MAGI1: variants seen among roughly 807,000 people sequenced by gnomAD.
The protein encoded by MAGI1 is membrane associated guanylate kinase, WW and PDZ domain containing 1, also known as membrane-associated guanylate kinase, WW and PDZ domain-containing protein 1.
In MAGI1, 58 loss-of-function variants were observed where a neutral mutation model predicts 139.9. The ratio of observed to expected loss-of-function variants is 0.41; its 90% CI spans 0.34 to 0.52. The LOEUF is 0.52. Ranked by LOEUF, MAGI1 falls within the 20% of genes least tolerant of loss-of-function variation. The pLI is 0.12. For synonymous variants in MAGI1, 812 were observed against 737.9 expected (o/e 1.10, Z -1.63); for missense variants, 1,874 against 1,901.6 (o/e 0.99, Z 0.27).
rs1947328466 is a variant in MAGI1, at chr3:65,429,619, T to C, written c.2068A>G (p.Asn690Asp). The C allele has an allele frequency of 6.2e-7, 1 of 1,613,868 alleles. No individual in the cohort carries two copies. Among genetic ancestry groups the C allele is most frequent in the African/African-American group, 1.3e-5 (1 of 74,904 alleles). Residue 690 changes from asparagine to aspartate, a missense_variant, in exon 12 of 23, where the codon AAT becomes GAT. Around this residue, in one of 5 missense-constraint regions of MAGI1, gnomAD observed 482 missense variants for 509.6 expected, o/e 0.95. Transcript: ENST00000402939. ...GTTAGGGCCTGCACGTTCTTCTTAT[T>C]AACTTCCACTATGAGATCCCCTTCT... ...LKEGDLIVEV[N>D]KKNVQALTHN...
At chr3:65,779,827 G>GT (rs1483963577) in intron 1 of MAGI1, among the ~76,000 whole-genome samples, 1 of 152,180 alleles carries the variant, frequency 6.6e-6, no homozygotes, top group East Asian at 1.9e-4. Context: ...GCAGTAGCAA[G>GT]TAACTCTAAC....
intron 1 of MAGI1, among the ~76,000 whole-genome samples, chr3:65,819,090 G>A (rs909848942): frequency 6.6e-6 from 1 of 152,082 alleles, no homozygotes; most frequent in South Asian, 2.1e-4. Context: ...TTCGAGACCA[G>A]CTTGGCCTAC....
At chr3:65,920,757 G>A (rs1301175439) in intron 1 of MAGI1, among the ~76,000 whole-genome samples, 2 of 152,252 alleles carry the variant, frequency 1.3e-5, no homozygotes, top group African/African-American at 2.4e-5. Flanking sequence ...ATGGCAGGGC[G>A]CAGTGGCTCA....
chr3:65,893,399 C>A (rs531040078), intron 1 of MAGI1, among the ~76,000 whole-genome samples: 1 of 151,162 alleles, frequency 6.6e-6, no homozygotes, highest in South Asian at 2.1e-4. Flanking sequence ...AAGCACAAAA[C>A]AAAATTTACA....
rs1207549438 is a variant in MAGI1 at position 65,778,187 on chromosome 3, TG to T, written c.314-156100del. 2.6e-5 allele frequency among the ~76,000 whole-genome samples: 4 copies of T among 152,106 alleles called. No homozygotes were observed. The East Asian group carries it at 5.8e-4, about 22-fold the overall frequency. On this transcript the variant is annotated intron_variant, in intron 1 of 22. Transcript: ENST00000402939. ...ACTCACGCCTGTAATCCCAGCACTT[TG>T]GGGGGCCAAGGCTGGCGGATCACCT...
At chr3:65,424,448 C>T (rs570679551) in intron 12 of MAGI1, among the ~76,000 whole-genome samples, 1 of 152,252 alleles carries the variant, frequency 6.6e-6, no homozygotes, top group South Asian at 2.1e-4. Context: ...GGAATTTTAA[C>T]ATTTCATGAA....
intron 1 of MAGI1, among the ~76,000 whole-genome samples, chr3:65,887,077 C>A (rs2060564187): frequency 6.6e-6 from 1 of 152,012 alleles, no homozygotes; most frequent in Admixed American, 6.6e-5. Context: ...TAAGAATAGT[C>A]TAAGTTGAAA....
intron 13 of MAGI1, among the ~76,000 whole-genome samples, chr3:65,395,957 T>G (rs1411418957): frequency 6.6e-6 from 1 of 151,974 alleles, no homozygotes; most frequent in Admixed American, 6.6e-5. Context: ...GCAGTCAATG[T>G]GGGGACCTGA....
chr3:65,851,240 C>A lies in MAGI1; in HGVS notation c.313+186756G>T, dbSNP rs28627049. ...TCTCAGCCAGGGATAAAACTAATATCCACATCAGGATTGTTGACGCTATCA... is the reference window on the plus strand; with the variant it reads ...TCTCAGCCAGGGATAAAACTAATATACACATCAGGATTGTTGACGCTATCA... On this transcript the variant is annotated intron_variant, in intron 1 of 22. Transcript: ENST00000402939. 2.2e-3 allele frequency among the ~76,000 whole-genome samples: 337 copies of A among 152,260 alleles called. 1 individual carries two copies. The highest frequency in any genetic ancestry group is 7.3e-3 in the African/African-American group (305 of 41,560).
At chr3:65,388,880 C>T (rs973002703) in intron 14 of MAGI1, among the ~76,000 whole-genome samples, 15 of 113,482 alleles carry the variant, frequency 1.3e-4, no homozygotes, top group Non-Finnish European at 2.0e-4. Flanking sequence ...CTCGCTCTGT[C>T]GCCCAGGCTG....
intron 1 of MAGI1, among the ~76,000 whole-genome samples, chr3:65,697,278 T>C (rs189519870): frequency 0.43 from 63,780 of 149,456 alleles, 14,294 homozygotes; most frequent in African/African-American, 0.57. Context: ...GATTCACAGC[T>C]GAATTCTATC....
At chr3:65,519,310 T>G (rs1340560676) in intron 2 of MAGI1, among the ~76,000 whole-genome samples, 1 of 150,138 alleles carries the variant, frequency 6.7e-6, no homozygotes, top group Admixed American at 6.7e-5. Flanking sequence ...ACTGGAAAGT[T>G]TTCATCACAG....
intron 1 of MAGI1, among the ~76,000 whole-genome samples, chr3:65,805,658 T>C (rs141161126): frequency 1.3e-4 from 20 of 152,246 alleles, no homozygotes; most frequent in African/African-American, 4.3e-4. Flanking sequence ...CTGAAGCACA[T>C]TCACAATAGC....
intron 1 of MAGI1, among the ~76,000 whole-genome samples, chr3:65,769,347 A>G (rs1261882758): frequency 2.0e-5 from 3 of 152,102 alleles, no homozygotes; most frequent in Non-Finnish European, 4.4e-5. Context: ...AGCGTAGTAG[A>G]GCATGATGTT....
Position 66,038,474 on chromosome 3 carries a change from C to G in MAGI1, c.-166G>C. ...GCTCCCCTGCACACGCTCGCGCACT[C>G]AAGCCATCATAAAACAAACTTTCTG... On this transcript the variant is annotated 5_prime_UTR_variant, in exon 1 of 23. It removes the in-frame stop codon of an upstream open reading frame in the 5' UTR. Transcript: ENST00000402939. 1.0e-6 allele frequency: 1 copy of G among 980,414 alleles called. No individual in the cohort carries two copies. The highest frequency in any genetic ancestry group is 1.4e-6 in the Non-Finnish European group (1 of 707,500). 60.7% of individuals were successfully genotyped at this position (980,414 alleles called of 1,614,324 possible).
chr3:65,929,505 T>C (rs2062690073), intron 1 of MAGI1, among the ~76,000 whole-genome samples: 1 of 152,062 alleles, frequency 6.6e-6, no homozygotes, highest in Non-Finnish European at 1.5e-5. Flanking sequence ...CAGCTAATTT[T>C]TGTATTTTTA....
chr3:65,507,527 T>C (rs1046776830), intron 2 of MAGI1, among the ~76,000 whole-genome samples: 43 of 152,206 alleles, frequency 2.8e-4, no homozygotes, highest in Non-Finnish European at 5.6e-4. Context: ...CATGCTTATG[T>C]TTTCCCCCAT....
At chr3:65,922,779 G>A (rs565160631) in intron 1 of MAGI1, among the ~76,000 whole-genome samples, 1 of 152,318 alleles carries the variant, frequency 6.6e-6, no homozygotes, top group South Asian at 2.1e-4. Context: ...TGTACAGAAA[G>A]GAGAGACAGT....
At chr3:65,906,150 T>C (rs2061424628) in intron 1 of MAGI1, among the ~76,000 whole-genome samples, 1 of 152,116 alleles carries the variant, frequency 6.6e-6, no homozygotes, top group Non-Finnish European at 1.5e-5. Context: ...ATCTTGAAAA[T>C]GGTAGCATCT....
Sources: allele counts gnomAD v4.1 joint callset (sites outside exome capture counted in the v4.1 genomes callset), GRCh38; gene constraint gnomAD v4.1.1; regional missense constraint gnomAD v4.1.1; transcripts MANE v1.5; gene names NCBI Gene and HGNC (gene_info 2026-07-23, HGNC 2026-07-21).